Variants in ZMYM2 observed in about 807,000 individuals in gnomAD.
The protein encoded by ZMYM2 is zinc finger MYM-type containing 2.
Under a neutral mutation model 162.8 loss-of-function variants are expected in ZMYM2, and 56 were observed. The ratio of observed to expected loss-of-function variants is 0.34; its 90% CI spans 0.28 to 0.43. ZMYM2 has a LOEUF of 0.43. Ranked by LOEUF, ZMYM2 falls within the 20% of genes least tolerant of loss-of-function variation. ZMYM2 has a pLI of 1.00. For synonymous variants in ZMYM2, 510 were observed against 541.6 expected, an observed-to-expected ratio of 0.94 and a Z score of 0.81; for missense variants, 1,275 against 1,621.8, an observed-to-expected ratio of 0.79 and a Z score of 3.67.
At chr13:19,981,034 G>A (rs1483519106) in intron 2 of ZMYM2, among the ~76,000 whole-genome samples, 1 of 152,140 alleles carries the variant, frequency 6.6e-6, no homozygotes, top group African/African-American at 2.4e-5. Flanking sequence ...TGCTTTGAGA[G>A]GCTGAGGTGG....
the ZMYM2 span, among the ~76,000 whole-genome samples, chr13:19,942,341 G>C: frequency 6.6e-6 from 1 of 151,648 alleles, no homozygotes; most frequent in Admixed American, 6.6e-5. Flanking sequence ...TATGGGGGAA[G>C]TGGAATGGAA....
At chr13:19,956,886 G>GT (rs1375877192), upstream of ZMYM2, among the ~76,000 whole-genome samples, 1 of 152,202 alleles carries the variant, frequency 6.6e-6, no homozygotes, top group East Asian at 1.9e-4. Context: ...GAGGATGTTT[G>GT]TTTTGATGAT....
intron 2 of ZMYM2, among the ~76,000 whole-genome samples, chr13:19,974,510 C>T (rs1377575075): frequency 1.3e-5 from 2 of 149,192 alleles, no homozygotes; most frequent in African/African-American, 4.9e-5. Context: ...GACTCTTGCT[C>T]TGTTGCCCAG....
At chr13:19,875,499 G>A in the ZMYM2 span, among the ~76,000 whole-genome samples, 40 of 151,750 alleles carry the variant, frequency 2.6e-4, no homozygotes, top group East Asian at 6.2e-3. Context: ...GTGGAGGTGC[G>A]CGCCTATAGT....
chr13:19,889,221 C>G, the ZMYM2 span, among the ~76,000 whole-genome samples: 1 of 151,950 alleles, frequency 6.6e-6, no homozygotes, highest in Non-Finnish European at 1.5e-5. Context: ...CTGGAGATAC[C>G]TTGCGCCAAA....
At chr13:19,920,690 G>T in the ZMYM2 span, among the ~76,000 whole-genome samples, 1 of 151,856 alleles carries the variant, frequency 6.6e-6, no homozygotes, top group Non-Finnish European at 1.5e-5. Context: ...GGCTGAGGAG[G>T]GGAGTTCATT....
chr13:19,954,295 A>G (rs534256527), upstream of ZMYM2, among the ~76,000 whole-genome samples: 1 of 150,986 alleles, frequency 6.6e-6, no homozygotes, highest in South Asian at 2.1e-4. Context: ...TGCCTGGCTA[A>G]TTTTTTGTAT....
At chr13:19,929,054 A>G in the ZMYM2 span, among the ~76,000 whole-genome samples, 6 of 152,200 alleles carry the variant, frequency 3.9e-5, no homozygotes, top group Non-Finnish European at 2.9e-5. Flanking sequence ...GATGTTTTAT[A>G]CTGATGTTAT....
chr13:20,027,156 T>C (rs1361100426), intron 8 of ZMYM2, 47 bp from the exon 9 acceptor site: 2 of 1,415,530 alleles, frequency 1.4e-6, no homozygotes, highest in Non-Finnish European at 1.9e-6. Flanking sequence ...AAAAAAACTT[T>C]TTTATTACTT....
At chr13:19,977,018 A>C (rs1956856352) in intron 2 of ZMYM2, among the ~76,000 whole-genome samples, 1 of 152,226 alleles carries the variant, frequency 6.6e-6, no homozygotes, top group Non-Finnish European at 1.5e-5. Context: ...ACCTTTCATC[A>C]ATATATAATG....
chr13:19,883,766 T>A, the ZMYM2 span, among the ~76,000 whole-genome samples: 140 of 151,960 alleles, frequency 9.2e-4, no homozygotes, highest in South Asian at 2.5e-3. Flanking sequence ...ATATATATAT[T>A]TTTTTGAGCT....
At chr13:20,005,344 A>C (rs1390674475) in intron 5 of ZMYM2, 105 bp downstream of exon 5, 1 of 808,726 alleles carries the variant, frequency 1.2e-6, no homozygotes, top group Non-Finnish European at 1.9e-6. Context: ...AAAAATGAAT[A>C]TATATAAAGA....
At chr13:19,958,649 A>G (rs57842123), upstream of ZMYM2, 3,998 of 152,452 alleles carry the variant, frequency 0.026, 181 homozygotes, top group African/African-American at 0.092. Context: ...CGCTCCGGCC[A>G]GCCTTCCCCG....
Position 20,016,845 on chromosome 13 carries a change from G to A in ZMYM2, c.1513-2702G>A, listed in dbSNP as rs578070722. Among the ~76,000 whole-genome samples the A allele has an allele frequency of 3.9e-5, 6 of 152,220 alleles. No homozygotes were observed. In the South Asian group the frequency reaches 1.2e-3, roughly 32 times the overall value. Reference sequence around the variant, plus strand: ...GAGTTTATCCTACATGTAATTTGTTGTGTTTATTAGATTTGTAGATTTGTG... The same window carrying A: ...GAGTTTATCCTACATGTAATTTGTTATGTTTATTAGATTTGTAGATTTGTG... On this transcript the variant is annotated intron_variant, in intron 6 of 24. Transcript: ENST00000610343.
At chr13:20,012,908 G>A (rs1046042246) in intron 6 of ZMYM2, among the ~76,000 whole-genome samples, 1 of 152,032 alleles carries the variant, frequency 6.6e-6, no homozygotes, top group African/African-American at 2.4e-5. Flanking sequence ...CTCCAACTTT[G>A]TTTTTTGTCA....
intron 12 of ZMYM2, among the ~76,000 whole-genome samples, chr13:20,041,146 C>G (rs1017696891): frequency 6.6e-6 from 1 of 152,092 alleles, no homozygotes; most frequent in Non-Finnish European, 1.5e-5. Flanking sequence ...TAATTATCTG[C>G]TTTGATGATC....
chr13:19,976,115 C>T (rs1956763608), intron 2 of ZMYM2, among the ~76,000 whole-genome samples: 1 of 152,004 alleles, frequency 6.6e-6, no homozygotes, highest in Non-Finnish European at 1.5e-5. Flanking sequence ...GGGCAGATCA[C>T]GAGGTCAAGA....
intron 21 of ZMYM2, chr13:20,071,922 TA>T: frequency 5.2e-6 from 1 of 192,348 alleles, no homozygotes; most frequent in Admixed American, 5.9e-5. Flanking sequence ...CAGCACTTTC[TA>T]GTAAGCTTCT....
At chr13:19,884,817 C>G in the ZMYM2 span, among the ~76,000 whole-genome samples, 2 of 152,112 alleles carry the variant, frequency 1.3e-5, no homozygotes, top group Middle Eastern at 3.2e-3. Flanking sequence ...AGCCATACAA[C>G]AAACATTCCA....
Sources: gnomAD v4.1 joint callset for allele counts (sites outside exome capture counted in the v4.1 genomes callset) on GRCh38, gnomAD v4.1.1 for gene constraint, MANE v1.5 for transcripts, NCBI Gene and HGNC (gene_info 2026-07-23, HGNC 2026-07-21) for gene names.